Variants in LRRC37A2 observed in about 807,000 individuals in gnomAD.
LRRC37A2 encodes the protein leucine-rich repeat-containing protein 37A2.
LRRC37A2 carries 9 observed loss-of-function variants against 68.8 expected under a neutral mutation model. That is an observed-to-expected ratio of 0.13 (90% CI 0.08 to 0.23). LRRC37A2 has a LOEUF of 0.23. Ranked by LOEUF, LRRC37A2 falls within the 10% of genes least tolerant of loss-of-function variation. LRRC37A2 has a pLI of 1.00. For synonymous variants in LRRC37A2, 63 were observed against 367.6 expected, an observed-to-expected ratio of 0.17 and a Z score of 9.48; for missense variants, 168 against 950.4, an observed-to-expected ratio of 0.18 and a Z score of 10.82.
At chr17:46,975,936 G>C in the LRRC37A2 span, among the ~76,000 whole-genome samples, 2 of 151,964 alleles carry the variant, frequency 1.3e-5, no homozygotes, top group Non-Finnish European at 2.9e-5. Flanking sequence ...TGTTGTTGTT[G>C]TTGTTTTGGA....
chr17:46,830,902 C>T, the LRRC37A2 span: 2 of 397,188 alleles, frequency 5.0e-6, no homozygotes, highest in Admixed American at 4.4e-5. Flanking sequence ...CTCTCCAACA[C>T]TTGCTAAGAT....
At chr17:46,779,885 A>C in the LRRC37A2 span, among the ~76,000 whole-genome samples, 1 of 152,106 alleles carries the variant, frequency 6.6e-6, no homozygotes, top group African/African-American at 2.4e-5. Flanking sequence ...CGGCCTCTCA[A>C]GTAGCTGGGA....
the LRRC37A2 span, chr17:47,034,904 T>C: frequency 6.6e-6 from 1 of 152,296 alleles, no homozygotes; most frequent in East Asian, 1.9e-4. Flanking sequence ...CTCACATTCT[T>C]TCTCTTTGTA....
the LRRC37A2 span, among the ~76,000 whole-genome samples, chr17:46,809,426 C>A: frequency 6.6e-6 from 1 of 152,324 alleles, no homozygotes; most frequent in South Asian, 2.1e-4. Flanking sequence ...GAAAGGTCTT[C>A]CAGACAGACC....
At chr17:46,500,670 G>A in the LRRC37A2 span, among the ~76,000 whole-genome samples, 1 of 151,112 alleles carries the variant, frequency 6.6e-6, no homozygotes, top group South Asian at 2.1e-4. Flanking sequence ...CAAATCCCTT[G>A]TTGAGTAGCA....
chr17:46,835,652 T>C, the LRRC37A2 span, among the ~76,000 whole-genome samples: 1 of 152,254 alleles, frequency 6.6e-6, no homozygotes, highest in Non-Finnish European at 1.5e-5. Context: ...TGACCTACAG[T>C]GGCCCTCAGC....
the LRRC37A2 span, among the ~76,000 whole-genome samples, chr17:46,799,811 T>C: frequency 3.9e-5 from 6 of 152,174 alleles, no homozygotes; most frequent in African/African-American, 1.4e-4. Context: ...TTTATTCCCA[T>C]TATACAGAGG....
chr17:46,830,767 G>A, the LRRC37A2 span: 1 of 398,576 alleles, frequency 2.5e-6, no homozygotes, highest in Non-Finnish European at 4.4e-6. Flanking sequence ...TGAGGCATGG[G>A]TTAAACCACT....
the LRRC37A2 span, among the ~76,000 whole-genome samples, chr17:46,952,202 T>C: frequency 6.6e-6 from 1 of 152,210 alleles, no homozygotes; most frequent in Non-Finnish European, 1.5e-5. Flanking sequence ...GGTGCCATTG[T>C]CTCTCCTTCC....
At chr17:46,863,469 G>A in the LRRC37A2 span, among the ~76,000 whole-genome samples, 1 of 152,210 alleles carries the variant, frequency 6.6e-6, no homozygotes, top group Non-Finnish European at 1.5e-5. Context: ...GAAGAAAGGA[G>A]TGTCTGCCAT....
the LRRC37A2 span, chr17:46,940,533 G>T: frequency 1.9e-6 from 3 of 1,614,054 alleles, no homozygotes; most frequent in Admixed American, 5.0e-5. Context: ...GACTGCGACG[G>T]CAAGGCTGTC....
chr17:46,784,988 A>G, the LRRC37A2 span, among the ~76,000 whole-genome samples: 6 of 152,068 alleles, frequency 3.9e-5, no homozygotes, highest in East Asian at 1.9e-4. Flanking sequence ...TGTGTTAGCC[A>G]GGATGGTCTC....
the LRRC37A2 span, chr17:46,929,652 T>C: frequency 1.6e-5 from 13 of 820,910 alleles, no homozygotes; most frequent in East Asian, 1.5e-4. Context: ...CTGGGCTTCC[T>C]GACTGCACTC....
chr17:47,024,719 T>C, the LRRC37A2 span: 1 of 895,940 alleles, frequency 1.1e-6, no homozygotes, highest in Non-Finnish European at 1.9e-6. Context: ...TACACAAGGA[T>C]TCATTTGAAG....
the LRRC37A2 span, chr17:46,930,187 C>T: frequency 1.3e-5 from 2 of 152,946 alleles, no homozygotes; most frequent in African/African-American, 2.4e-5. Flanking sequence ...TGTCTCCTTT[C>T]GCAGCTTCAA....
the LRRC37A2 span, among the ~76,000 whole-genome samples, chr17:46,458,702 C>T: frequency 1.5e-3 from 153 of 103,504 alleles, 9 homozygotes; most frequent in African/African-American, 5.1e-3. Flanking sequence ...CCACCACGCC[C>T]AGCTAATTTT....
At chr17:46,819,421 C>A in the LRRC37A2 span, among the ~76,000 whole-genome samples, 1 of 152,148 alleles carries the variant, frequency 6.6e-6, no homozygotes, top group Non-Finnish European at 1.5e-5. The surrounding 1 kb of genome is among the most constrained non-coding windows in gnomAD (Gnocchi z 5.3). Context: ...GCAACTGACA[C>A]CAGCGGCCAG....
At chr17:46,719,144 T>A in the LRRC37A2 span, among the ~76,000 whole-genome samples, 1 of 152,232 alleles carries the variant, frequency 6.6e-6, no homozygotes, top group Admixed American at 6.5e-5. The surrounding 1 kb of genome is among the most constrained non-coding windows in gnomAD (Gnocchi z 4.3). Flanking sequence ...TAGTTATTTC[T>A]TTAGCTACAT....
At chr17:46,463,866 CA>C in the LRRC37A2 span, among the ~76,000 whole-genome samples, 39,260 of 87,618 alleles carry the variant, frequency 0.45, 13,815 homozygotes, top group South Asian at 0.6. Context: ...ATCCCGTCTT[CA>C]AAAAAAAAAA....
Sources: gnomAD v4.1 joint callset for allele counts (sites outside exome capture counted in the v4.1 genomes callset) on GRCh38, gnomAD v4.1.1 for gene constraint, Gnocchi (gnomAD v3.1) non-coding constraint, MANE v1.5 for transcripts, NCBI Gene and HGNC (gene_info 2026-07-23, HGNC 2026-07-21) for gene names.